Variants in HCN4 observed in about 807,000 individuals in gnomAD.
HCN4 encodes the protein potassium/sodium hyperpolarization-activated cyclic nucleotide-gated channel 4.
In HCN4, 29 loss-of-function variants were observed where a neutral mutation model predicts 76.9. The observed-to-expected ratio is 0.38, with a 90% CI of 0.28 to 0.51. The LOEUF (loss-of-function observed/expected upper bound fraction) is 0.51. HCN4 is among the 20% of genes least tolerant of loss of function. HCN4 has a pLI of 0.90. For missense variants in HCN4, 1,416 were observed against 1,715.2 expected (o/e 0.83, Z 3.08); for synonymous variants, 772 against 762.5 (o/e 1.01, Z -0.21).
intron 2 of HCN4, among the ~76,000 whole-genome samples, chr15:73,337,284 C>T (rs1319321375): frequency 6.6e-6 from 1 of 152,256 alleles, no homozygotes; most frequent in Non-Finnish European, 1.5e-5. Context: ...CTGCACGAGG[C>T]AGGGCTCCTC....
intron 3 of HCN4, among the ~76,000 whole-genome samples, chr15:73,331,687 C>A (rs1016643946): frequency 6.6e-6 from 1 of 152,130 alleles, no homozygotes; most frequent in African/African-American, 2.4e-5. Flanking sequence ...TGAAGGGATC[C>A]CCCTGCCTCG....
chr15:73,351,678 C>T (rs962547974), intron 1 of HCN4, among the ~76,000 whole-genome samples: 2 of 152,208 alleles, frequency 1.3e-5, no homozygotes, highest in African/African-American at 4.8e-5. Flanking sequence ...AGGGCTGGGG[C>T]CAGCACCCTC....
In HCN4 at chr15:73,368,084, C is replaced by T. The variant is rs1319902889; in HGVS notation, c.187G>A (p.Gly63Ser). 6.7e-7 allele frequency: 1 copy of T among 1,487,800 alleles called. No homozygotes were observed. The highest frequency in any genetic ancestry group is 8.9e-7 in the Non-Finnish European group (1 of 1,124,088). 92.2% of individuals were successfully genotyped at this position (1,487,800 alleles called of 1,614,324 possible). Residue 63 changes from glycine (G) to serine (S), a missense_variant, in exon 1 of 8, where the codon GGT becomes AGT. Around this residue, in one of 6 missense-constraint regions of HCN4, gnomAD observed 355 missense variants for 347.8 expected, o/e 1.02. Coordinates refer to ENST00000261917, the MANE Select transcript of HCN4 (RefSeq NM_005477.3). This position sits in a 1 kb window ranked among gnomAD's most constrained non-coding sequence, Gnocchi z 6.9. The part of the protein sequence containing the change: ...LPSPSPSAAA[G>S]GTESRSSALG... ...GCCGAGCTCCGGGACTCCGTGCCAC[C>T]CGCGGCCGCCGAGGGGGAGGGCGAG...
rs1407849744 is a variant in HCN4 at position 73,324,183 on chromosome 15, C to A, written c.2049G>T (p.Ser683=). Residue 683 remains serine (S), a synonymous_variant, in exon 7 of 8, where the codon TCG becomes TCT. Coordinates refer to ENST00000261917, the MANE Select transcript of HCN4 (RefSeq NM_005477.3). Reference sequence around the variant, plus strand: ...CCTCATTGAAGTTGTCCACGCTCAGCGAGTAGAGGCGGCAGTAGGTGTCGG... The same window carrying A: ...CCTCATTGAAGTTGTCCACGCTCAGAGAGTAGAGGCGGCAGTAGGTGTCGG... The part of the protein sequence containing the change: ...VRADTYCRLY[S]LSVDNFNEVL... 1.2e-6 allele frequency: 2 copies of A among 1,614,016 alleles called. No homozygotes were observed. The highest frequency in any genetic ancestry group is 8.5e-7 in the Non-Finnish European group (1 of 1,180,010).
chr15:73,362,744 A>C (rs1385929918), intron 1 of HCN4, among the ~76,000 whole-genome samples: 2 of 152,200 alleles, frequency 1.3e-5, no homozygotes, highest in African/African-American at 4.8e-5. Flanking sequence ...CTGGCAGCCC[A>C]AAACCCTCGA....
chr15:73,343,500 G>T lies in HCN4; in HGVS notation c.1094C>A (p.Ser365Ter). 6.2e-7 allele frequency: 1 copy of T among 1,614,196 alleles called. No individual in the cohort carries two copies. The highest frequency in any genetic ancestry group is 2.2e-5 in the East Asian group (1 of 44,890). The change falls in exon 2 of 8, where the codon TCG becomes TAG. Residue 365 changes from serine to a stop codon, truncating the protein, a stop_gained. Coordinates refer to ENST00000261917, the MANE Select transcript of HCN4 (RefSeq NM_005477.3). LOFTEE classifies it high-confidence loss of function. The surrounding 1 kb of genome is among the most constrained non-coding windows in gnomAD (Gnocchi z 5.7). Reference sequence around the variant, plus strand: ...GGCCCGGGCAGTCTTGTAGACCTCCGAGTCGATGCGTGTCTCCACAATGAG... The same window carrying T: ...GGCCCGGGCAGTCTTGTAGACCTCCTAGTCGATGCGTGTCTCCACAATGAG... Reference protein sequence around the residue: ...IFLIVETRIDSEVYKTARALR... With the variant: ...IFLIVETRID
Position 73,322,609 on chromosome 15 carries a change from G to A in HCN4, c.3484C>T (p.Pro1162Ser). 2 of 1,611,518 alleles carry A rather than the reference G, an allele frequency of 1.2e-6. No homozygotes were observed. The highest frequency in any genetic ancestry group is 1.3e-5 in the African/African-American group (1 of 75,030). ...GCCCCAAACAAAGACAGAGGGGGTG[G>A]CAAAGAACCTGAGGATGTCTTCCGA... ...LPRKTSSGSL[P>S]PPLSLFGARA... is the part of the protein sequence containing the mutation. Residue 1162 changes from proline (P) to serine (S), a missense_variant, in exon 8 of 8, where the codon CCA becomes TCA. Physicochemically the swap from Pro to Ser is moderately conservative, Grantham distance 74 (BLOSUM62 -1). Coordinates refer to ENST00000261917, the MANE Select transcript of HCN4 (RefSeq NM_005477.3).
chr15:73,363,747 G>A (rs2043116677), intron 1 of HCN4, among the ~76,000 whole-genome samples: 1 of 152,134 alleles, frequency 6.6e-6, no homozygotes, highest in Non-Finnish European at 1.5e-5. Flanking sequence ...GGGGAGGTGT[G>A]GTTCACAACA....
At position 73,323,579 on chromosome 15, in the gene HCN4, G is replaced by C. The variant is rs760510211; in HGVS notation, c.2514C>G (p.Gly838=). 16 of 1,600,906 alleles carry C rather than the reference G, an allele frequency of 1.0e-5. No individual in the cohort carries two copies. The highest frequency in any genetic ancestry group is 5.9e-6 in the Non-Finnish European group (7 of 1,179,816). ...RLQSLIPSAL[G]SASPASSPSQ... is the part of the protein sequence containing the mutation. ...ACGGGCTGCTGGCGGGCGAGGCGGA[G>C]CCCAGCGCAGAAGGGATCAGGGACT... Residue 838 remains glycine, a synonymous_variant, in exon 8 of 8, where the codon GGC becomes GGG. Transcript: ENST00000261917.
chr15:73,322,371 G>T lies in HCN4; in HGVS notation c.*110C>A. 2.1e-6 allele frequency: 2 copies of T among 943,974 alleles called. No individual in the cohort carries two copies. Among genetic ancestry groups the T allele is most frequent in the Non-Finnish European group, 1.7e-6 (1 of 599,356 alleles). 58.5% of individuals were successfully genotyped at this position (943,974 alleles called of 1,614,324 possible). A position where few individuals can be genotyped will look rare whatever the true frequency, so the allele number is the denominator to read the frequency against. On this transcript the variant is annotated 3_prime_UTR_variant, in exon 8 of 8. Coordinates refer to ENST00000261917, the MANE Select transcript of HCN4 (RefSeq NM_005477.3). ...GTCTTTTGTTTTTCTGGTGTGTGTGGTTTTTTAAATAATTATTACTGTTAT... is the reference window on the plus strand; with the variant it reads ...GTCTTTTGTTTTTCTGGTGTGTGTGTTTTTTTAAATAATTATTACTGTTAT...
chr15:73,344,398 C>T (rs2043021265), intron 1 of HCN4, among the ~76,000 whole-genome samples: 1 of 152,226 alleles, frequency 6.6e-6, no homozygotes, highest in Non-Finnish European at 1.5e-5. Context: ...AGTTTCCTCA[C>T]TGTGTAATGA....
Position 73,332,284 on chromosome 15 carries a change from G to A in HCN4, c.1218C>T (p.His406=). Residue 406 remains histidine, a synonymous_variant, in exon 3 of 8, where the codon CAC becomes CAT. Coordinates refer to ENST00000261917, the MANE Select transcript of HCN4 (RefSeq NM_005477.3). ...RYIHQWEEIF[H]MTYDLASAVV... is the part of the protein sequence containing the mutation. ...CGGCGCTGGCCAGGTCGTAGGTCAT[G>A]TGGAAGATCTGCCAGCAGAGGAGGA... 2 of 1,614,224 alleles carry A rather than the reference G, an allele frequency of 1.2e-6. No homozygotes were observed. The highest frequency in any genetic ancestry group is 1.7e-6 in the Non-Finnish European group (2 of 1,180,018).
intron 2 of HCN4, among the ~76,000 whole-genome samples, chr15:73,342,966 C>T (rs547756452): frequency 6.6e-6 from 1 of 152,308 alleles, no homozygotes; most frequent in Non-Finnish European, 1.5e-5. Context: ...CATCCCTATT[C>T]CCTGCCTGTC....
At chr15:73,363,788 G>T (rs74022953) in intron 1 of HCN4, among the ~76,000 whole-genome samples, 3 of 152,172 alleles carry the variant, frequency 2.0e-5, no homozygotes, top group Admixed American at 6.5e-5. Flanking sequence ...GCTCACTGCA[G>T]CTTCTCACCT....
intron 3 of HCN4, 113 bp from the exon 4 acceptor site, chr15:73,329,904 C>T (rs1346359826): frequency 2.4e-6 from 2 of 844,828 alleles, no homozygotes; most frequent in African/African-American, 3.4e-5. Flanking sequence ...GTGGCTGGGC[C>T]CAGGGCTCCC....
At chr15:73,361,898 C>A (rs989848496) in intron 1 of HCN4, among the ~76,000 whole-genome samples, 7 of 152,244 alleles carry the variant, frequency 4.6e-5, no homozygotes, top group African/African-American at 1.7e-4. Flanking sequence ...GGCTCCCCTG[C>A]TCAGTCACCT....
intron 2 of HCN4, among the ~76,000 whole-genome samples, chr15:73,335,835 T>C (rs1164351695): frequency 2.0e-5 from 3 of 151,492 alleles, no homozygotes; most frequent in African/African-American, 4.9e-5. Context: ...CCTTCCGGAG[T>C]GGGGGCCAGT....
intron 2 of HCN4, among the ~76,000 whole-genome samples, chr15:73,334,542 G>A (rs1022446603): frequency 1.3e-5 from 2 of 151,976 alleles, no homozygotes; most frequent in African/African-American, 2.4e-5. Context: ...TGTCTTGGTT[G>A]ACCAGGATGC....
In HCN4 at chr15:73,328,268, G is replaced by A. The variant is rs749471935; in HGVS notation, c.1590+1305C>T. Among the ~76,000 whole-genome samples, 2 of 151,868 alleles carry A rather than the reference G, an allele frequency of 1.3e-5. No homozygotes were observed. The highest frequency in any genetic ancestry group is 1.5e-5 in the Non-Finnish European group (1 of 67,996). On this transcript the variant is annotated intron_variant, in intron 4 of 7. Coordinates refer to ENST00000261917, the MANE Select transcript of HCN4 (RefSeq NM_005477.3). This position sits in a 1 kb window ranked among gnomAD's most constrained non-coding sequence, Gnocchi z 4.0. ...GGAGGAGAGTTGAGGGTGAAAGCCC[G>A]TGTCTGGGTCCCATGGCAGGAGCAG...
Sources: allele counts gnomAD v4.1 joint callset (sites outside exome capture counted in the v4.1 genomes callset), GRCh38; gene constraint gnomAD v4.1.1; regional missense constraint gnomAD v4.1.1; non-coding constraint Gnocchi (gnomAD v3.1); transcripts MANE v1.5; gene names NCBI Gene and HGNC (gene_info 2026-07-23, HGNC 2026-07-21).